The following FRMPD4 variants were observed in gnomAD, a reference collection of about 807,000 sequenced individuals.
The protein encoded by FRMPD4 is FERM and PDZ domain containing 4.
Under a neutral mutation model 94.1 loss-of-function variants are expected in FRMPD4, and 22 were observed. That is an observed-to-expected ratio of 0.23 (90% confidence interval 0.17 to 0.33). The LOEUF (loss-of-function observed/expected upper bound fraction) is 0.33. FRMPD4 is among the 10% of genes least tolerant of loss of function. FRMPD4 has a pLI of 1.00. For missense variants in FRMPD4, 1,111 were observed against 1,339.9 expected (o/e 0.83, Z 2.67); for synonymous variants, 631 against 548.6 (o/e 1.15, Z -2.10).
chrX:12,027,323 A>C (rs1296468634), intron 3 of FRMPD4, among the ~76,000 whole-genome samples: 1 of 112,281 alleles, frequency 8.9e-6, no homozygotes, highest in Non-Finnish European at 1.9e-5. Context: ...TTCTCTCATC[A>C]GTCCAATGTA....
intron 2 of FRMPD4, among the ~76,000 whole-genome samples, chrX:12,499,601 T>C (rs1253855844): frequency 8.9e-6 from 1 of 112,679 alleles, no homozygotes; most frequent in Non-Finnish European, 1.9e-5. Flanking sequence ...AGGGACCTCA[T>C]ACAAGTGAAA....
In FRMPD4 at chrX:12,716,389, G is replaced by A; in HGVS notation, c.1930G>A (p.Glu644Lys). The change falls in exon 15 of 17, where the codon GAA becomes AAA. Residue 644 changes from glutamate (E) to lysine (K), a missense_variant. Around this residue, in one of 8 missense-constraint regions of FRMPD4, gnomAD observed 192 missense variants for 192.5 expected, o/e 1.00. Transcript: ENST00000675598. ...ACCAGAAACTCTGAAGAAAGCACAG[G>A]AATCTCCGAGAGGAGCTAAAGTGTC... ...SGPETLKKAQ[E>K]SPRGAKVSFI... is the part of the protein sequence containing the mutation. The A allele has an allele frequency of 8.3e-7, 1 of 1,210,609 alleles. No individual in the cohort carries two copies. The highest frequency in any genetic ancestry group is 3.0e-5 in the East Asian group (1 of 33,822).
rs2042125561 is a variant in FRMPD4, at chrX:12,717,854, T to A, written c.3028T>A (p.Tyr1010Asn). 8.3e-7 allele frequency: 1 copy of A among 1,209,714 alleles called. No homozygotes were observed. Among genetic ancestry groups the A allele is most frequent in the African/African-American group, 1.7e-5 (1 of 57,284 alleles). ...TATGGAGACTAAGTCGGTCACTGACTATTTTAGCAAACTGCACATGGGGTC... is the reference window on the plus strand; with the variant it reads ...TATGGAGACTAAGTCGGTCACTGACAATTTTAGCAAACTGCACATGGGGTC... ...ETMETKSVTD[Y>N]FSKLHMGSVA... Residue 1010 changes from tyrosine to asparagine, a missense_variant, in exon 16 of 17, where the codon TAT becomes AAT. Physicochemically the swap from Tyr to Asn is moderately radical, Grantham distance 143. Around this residue, in one of 8 missense-constraint regions of FRMPD4, gnomAD observed 551 missense variants for 591.6 expected, o/e 0.93. Coordinates refer to ENST00000675598, the MANE Select transcript of FRMPD4 (RefSeq NM_001368397.1).
chrX:12,603,856 C>A (rs185237350), intron 2 of FRMPD4, among the ~76,000 whole-genome samples: 1 of 110,188 alleles, frequency 9.1e-6, no homozygotes, highest in Non-Finnish European at 1.9e-5. Context: ...TGCCTTGTTA[C>A]AGAGGGTCAA....
At chrX:11,862,969 T>TTTG (rs1555911401) in intron 1 of FRMPD4, among the ~76,000 whole-genome samples, 3 of 92,811 alleles carry the variant, frequency 3.2e-5, no homozygotes, top group Non-Finnish European at 6.2e-5. Flanking sequence ...GGTTTTTTTT[T>TTTG]TTTTTTTTTT....
intron 1 of FRMPD4, among the ~76,000 whole-genome samples, chrX:12,263,571 G>C (rs1440951685): frequency 9.0e-6 from 1 of 111,369 alleles, no homozygotes; most frequent in Admixed American, 9.5e-5. Flanking sequence ...GAATAGAGAA[G>C]GGAAGCGGCA....
intron 6 of FRMPD4, among the ~76,000 whole-genome samples, chrX:12,683,908 C>T (rs1019590744): frequency 3.6e-5 from 4 of 112,217 alleles, no homozygotes; most frequent in South Asian, 3.7e-4. Context: ...GTAAAATATG[C>T]GTCTTTGAAA....
At chrX:12,261,801 T>G (rs1454953821) in intron 1 of FRMPD4, among the ~76,000 whole-genome samples, 2 of 112,268 alleles carry the variant, frequency 1.8e-5, no homozygotes, top group Admixed American at 9.4e-5. Flanking sequence ...ATTCCCATTA[T>G]TTTTTCTGTC....
At chrX:12,565,937 T>C (rs1169049540) in intron 2 of FRMPD4, among the ~76,000 whole-genome samples, 1 of 112,106 alleles carries the variant, frequency 8.9e-6, no homozygotes, top group African/African-American at 3.2e-5. Flanking sequence ...CTTTAACTCA[T>C]TTGTTCTAAA....
intron 4 of FRMPD4, among the ~76,000 whole-genome samples, chrX:12,662,934 G>A (rs1817653360): frequency 8.9e-6 from 1 of 112,236 alleles, no homozygotes; most frequent in African/African-American, 3.3e-5. Context: ...GTTTTAATTT[G>A]CATTTCTCTA....
At chrX:12,564,851 G>C (rs867983296) in intron 2 of FRMPD4, among the ~76,000 whole-genome samples, 1 of 79,578 alleles carries the variant, frequency 1.3e-5, no homozygotes. Context: ...GAGAGAGAGA[G>C]AGAGAATGTA....
intron 1 of FRMPD4, among the ~76,000 whole-genome samples, chrX:12,203,948 T>C (rs2056659994): frequency 8.9e-6 from 1 of 112,724 alleles, no homozygotes; most frequent in African/African-American, 3.2e-5. Flanking sequence ...GATTTTAATC[T>C]ATTTAGCCTT....
At chrX:12,097,676 A>G (rs894237730) in intron 3 of FRMPD4, among the ~76,000 whole-genome samples, 1 of 112,415 alleles carries the variant, frequency 8.9e-6, no homozygotes. Context: ...GAATAATGCA[A>G]TGGTCTTTTG....
chrX:12,686,988 A>G (rs182494325), intron 7 of FRMPD4, among the ~76,000 whole-genome samples: 45 of 112,234 alleles, frequency 4.0e-4, no homozygotes, highest in African/African-American at 1.3e-3. Context: ...AAGGTAAAAG[A>G]GTACCTAGTG....
chrX:12,315,291 C>T (rs2055097296), intron 1 of FRMPD4, among the ~76,000 whole-genome samples: 1 of 112,402 alleles, frequency 8.9e-6, no homozygotes. Context: ...AATCTGGAAA[C>T]CCCATTTCAA....
chrX:12,326,228 A>T (rs1009904132), intron 1 of FRMPD4, among the ~76,000 whole-genome samples: 1 of 111,748 alleles, frequency 8.9e-6, no homozygotes, highest in Non-Finnish European at 1.9e-5. Flanking sequence ...AAGCTTGTTG[A>T]CATTCTTCAA....
At chrX:11,915,015 AAAAGAG>A (rs1236459841) in intron 3 of FRMPD4, among the ~76,000 whole-genome samples, 3 of 112,262 alleles carry the variant, frequency 2.7e-5, no homozygotes, top group African/African-American at 9.7e-5. Context: ...TTTTAGGGAT[AAAAGAG>A]AAAAAGAGCT....
intron 3 of FRMPD4, among the ~76,000 whole-genome samples, chrX:12,003,954 C>T (rs1445164255): frequency 8.9e-6 from 1 of 111,765 alleles, no homozygotes; most frequent in Non-Finnish European, 1.9e-5. Flanking sequence ...ATGAATCTGC[C>T]TCATCTCTCC....
intron 4 of FRMPD4, among the ~76,000 whole-genome samples, chrX:12,655,427 G>A (rs1468011234): frequency 2.7e-5 from 3 of 110,856 alleles, no homozygotes; most frequent in Non-Finnish European, 5.7e-5. Context: ...CATTTTAGAC[G>A]AGGATCCTCT....
Sources: allele counts gnomAD v4.1 joint callset (sites outside exome capture counted in the v4.1 genomes callset), GRCh38; gene constraint gnomAD v4.1.1; regional missense constraint gnomAD v4.1.1; transcripts MANE v1.5; gene names NCBI Gene and HGNC (gene_info 2026-07-23, HGNC 2026-07-21).